HTR1F: variants seen among roughly 807,000 people sequenced by gnomAD.
The protein encoded by HTR1F is 5-hydroxytryptamine (serotonin) receptor 1F, G protein-coupled.
Under a neutral mutation model 24.0 loss-of-function variants are expected in HTR1F, and 17 were observed. That is an observed-to-expected ratio of 0.71 (90% CI 0.48 to 1.06). The LOEUF (loss-of-function observed/expected upper bound fraction) is 1.06. Among genes scored for constraint, HTR1F ranks in the 50% least tolerant of loss-of-function variants. The pLI, the probability that HTR1F is intolerant of heterozygous loss-of-function variation, is 0.00. For synonymous variants in HTR1F, 186 were observed against 156.8 expected (o/e 1.19, Z -1.39); for missense variants, 391 against 427.8 (o/e 0.91, Z 0.76).
At chr3:87,842,668 C>T (rs1704835330) in intron 2 of HTR1F, among the ~76,000 whole-genome samples, 1 of 151,952 alleles carries the variant, frequency 6.6e-6, no homozygotes, top group Non-Finnish European at 1.5e-5. Flanking sequence ...GATGGCTTTA[C>T]AATTTCTAAT....
intron 1 of HTR1F, among the ~76,000 whole-genome samples, chr3:87,802,775 C>T (rs1225639810): frequency 6.6e-6 from 1 of 152,106 alleles, no homozygotes. Context: ...TTATGGTACA[C>T]ATAAAAGTAA....
rs573073171 is a variant in HTR1F at position 87,991,106 on chromosome 3, G to A, written c.357G>A (p.Leu119=). 3.7e-6 allele frequency: 6 copies of A among 1,613,956 alleles called. No homozygotes were observed. The South Asian group carries it at 6.6e-5, about 18-fold the overall frequency. Residue 119 remains leucine, a synonymous_variant, in exon 3 of 3, where the codon TTG becomes TTA. Coordinates refer to ENST00000319595, the MANE Select transcript of HTR1F (RefSeq NM_001322209.2). ...CSILHLSAIA[L]DRYRAITDAV... is the part of the protein sequence containing the mutation. ...TCTTGCATCTCTCAGCTATAGCTTT[G>A]GATCGGTATCGAGCAATCACAGATG...
At chr3:87,845,542 C>T (rs1371269387) in intron 2 of HTR1F, among the ~76,000 whole-genome samples, 1 of 149,932 alleles carries the variant, frequency 6.7e-6, no homozygotes, top group African/African-American at 2.5e-5. Flanking sequence ...TGAAGGACCT[C>T]TTCAAGGAGA....
intron 2 of HTR1F, among the ~76,000 whole-genome samples, chr3:87,921,927 C>G (rs1346280193): frequency 6.6e-6 from 1 of 151,872 alleles, no homozygotes; most frequent in Non-Finnish European, 1.5e-5. Flanking sequence ...ATCCATTCAT[C>G]TTTTGATGGA....
intron 2 of HTR1F, among the ~76,000 whole-genome samples, chr3:87,987,735 T>C (rs1469308392): frequency 1.4e-5 from 2 of 141,112 alleles, no homozygotes; most frequent in Non-Finnish European, 3.1e-5. Flanking sequence ...ATATGTATTT[T>C]ATATATATAA....
chr3:87,904,447 T>A (rs1703612873), intron 2 of HTR1F, among the ~76,000 whole-genome samples: 1 of 152,094 alleles, frequency 6.6e-6, no homozygotes, highest in African/African-American at 2.4e-5. Context: ...AGCATTATTT[T>A]TAATGAAGCA....
intron 1 of HTR1F, among the ~76,000 whole-genome samples, chr3:87,802,599 G>A (rs1272850921): frequency 3.3e-5 from 5 of 151,950 alleles, no homozygotes; most frequent in Non-Finnish European, 5.9e-5. Flanking sequence ...TCCTGCCTCA[G>A]CACCCCCTCA....
chr3:87,836,979 A>G (rs1216985492), intron 2 of HTR1F, among the ~76,000 whole-genome samples: 5 of 152,058 alleles, frequency 3.3e-5, no homozygotes, highest in Admixed American at 2.0e-4. Context: ...ATTTCATATC[A>G]GTGATATATT....
intron 2 of HTR1F, among the ~76,000 whole-genome samples, chr3:87,949,292 G>A (rs1319352361): frequency 2.0e-5 from 3 of 152,178 alleles, no homozygotes; most frequent in African/African-American, 7.2e-5. Flanking sequence ...AATTACTTAA[G>A]TACTTCTACT....
At chr3:87,800,324 C>G (rs1418207102) in intron 1 of HTR1F, among the ~76,000 whole-genome samples, 5 of 152,160 alleles carry the variant, frequency 3.3e-5, no homozygotes, top group Admixed American at 3.3e-4. Context: ...CTATGCTCAG[C>G]AACAGGGAAC....
intron 2 of HTR1F, among the ~76,000 whole-genome samples, chr3:87,869,093 CT>C: frequency 6.6e-6 from 1 of 151,728 alleles, no homozygotes; most frequent in African/African-American, 2.4e-5. Context: ...GCCCTCAATC[CT>C]TGAACTTTAT....
At chr3:87,892,335 A>G (rs1447209588) in intron 2 of HTR1F, among the ~76,000 whole-genome samples, 1 of 152,328 alleles carries the variant, frequency 6.6e-6, no homozygotes, top group East Asian at 1.9e-4. Context: ...AAGATGTTAA[A>G]GCCTCTATCT....
At chr3:87,824,747 C>T (rs563481913) in intron 2 of HTR1F, among the ~76,000 whole-genome samples, 25 of 152,094 alleles carry the variant, frequency 1.6e-4, no homozygotes, top group Admixed American at 6.5e-4. Context: ...TATTTCTTTA[C>T]GAAATACATT....
intron 2 of HTR1F, among the ~76,000 whole-genome samples, chr3:87,966,519 T>G (rs769384268): frequency 6.6e-6 from 1 of 152,222 alleles, no homozygotes; most frequent in Non-Finnish European, 1.5e-5. Flanking sequence ...GTCTGTCACA[T>G]GGACACTCTT....
chr3:87,965,296 T>C (rs1191751953), intron 2 of HTR1F, among the ~76,000 whole-genome samples: 3 of 152,190 alleles, frequency 2.0e-5, no homozygotes, highest in Non-Finnish European at 4.4e-5. Flanking sequence ...ATTGGTGACA[T>C]ACATTTCTAA....
chr3:87,862,897 A>G (rs1351634393), intron 2 of HTR1F, among the ~76,000 whole-genome samples: 1 of 151,910 alleles, frequency 6.6e-6, no homozygotes, highest in Non-Finnish European at 1.5e-5. Context: ...GTTCACTGCA[A>G]CCTCTGCCTC....
chr3:87,828,914 G>T (rs1286033039), intron 2 of HTR1F, among the ~76,000 whole-genome samples: 2 of 152,008 alleles, frequency 1.3e-5, no homozygotes, highest in Admixed American at 6.6e-5. Flanking sequence ...ACAAAACAAA[G>T]AAATGTTTCC....
At chr3:87,881,897 G>C (rs892904602) in intron 2 of HTR1F, among the ~76,000 whole-genome samples, 16 of 152,104 alleles carry the variant, frequency 1.1e-4, no homozygotes, top group South Asian at 4.1e-4. Context: ...CACAGCAAAA[G>C]AAACTACCAT....
intron 2 of HTR1F, among the ~76,000 whole-genome samples, chr3:87,966,237 C>A (rs748183608): frequency 4.6e-5 from 7 of 152,280 alleles, no homozygotes; most frequent in Middle Eastern, 6.8e-3. Flanking sequence ...ATCCCATTCA[C>A]GAGGGCTTTG....
Sources: gnomAD v4.1 joint callset for allele counts (sites outside exome capture counted in the v4.1 genomes callset) on GRCh38, gnomAD v4.1.1 for gene constraint, MANE v1.5 for transcripts, NCBI Gene and HGNC (gene_info 2026-07-23, HGNC 2026-07-21) for gene names.